DISC1: variants seen among roughly 807,000 people sequenced by gnomAD.
The protein encoded by DISC1 is disrupted in schizophrenia 1 protein.
In DISC1, 57 loss-of-function variants were observed where a neutral mutation model predicts 84.5. That is an observed-to-expected ratio of 0.67 (90% CI 0.55 to 0.84). The LOEUF (loss-of-function observed/expected upper bound fraction) is 0.84, where lower values mean the gene tolerates loss of function less well. DISC1 is among the 40% of genes least tolerant of loss of function. DISC1 has a pLI of 0.00. For missense variants in DISC1, 1,000 were observed against 1,057.8 expected, an observed-to-expected ratio of 0.95 and a Z score of 0.76; for synonymous variants, 411 against 415.2, an observed-to-expected ratio of 0.99 and a Z score of 0.12.
At chr1:231,775,606 A>G (rs2076903913) in intron 6 of DISC1, among the ~76,000 whole-genome samples, 1 of 152,200 alleles carries the variant, frequency 6.6e-6, no homozygotes, top group Non-Finnish European at 1.5e-5. Context: ...CTTCCAGTGA[A>G]CAAAAGGAGA....
Position 232,013,932 on chromosome 1 carries a change from T to C in DISC1, c.2307+4883T>C, listed in dbSNP as rs143384891. Reference sequence around the variant, plus strand: ...GCTTGCATCCAGGGAGAAAAAGGAGTGTGAGAGGGGAGGGCAAGAGAAGGC... The same window carrying C: ...GCTTGCATCCAGGGAGAAAAAGGAGCGTGAGAGGGGAGGGCAAGAGAAGGC... On this transcript the variant is annotated intron_variant, in intron 11 of 12. Coordinates refer to ENST00000439617, the MANE Select transcript of DISC1 (RefSeq NM_018662.3). Among the ~76,000 whole-genome samples the C allele has an allele frequency of 7.0e-3, 1,058 of 151,896 alleles. 10 individuals are homozygous for C. The highest frequency in any genetic ancestry group is 0.012 in the South Asian group (59 of 4,806).
At chr1:231,780,005 C>T (rs2077281004) in intron 6 of DISC1, among the ~76,000 whole-genome samples, 1 of 151,942 alleles carries the variant, frequency 6.6e-6, no homozygotes, top group Admixed American at 6.6e-5. Context: ...TAAAGCTCTC[C>T]ATATTCTCAC....
chr1:231,816,090 T>C (rs1253303357), intron 8 of DISC1, among the ~76,000 whole-genome samples: 2 of 152,252 alleles, frequency 1.3e-5, no homozygotes, highest in African/African-American at 4.8e-5. Context: ...GAGTTCCAGT[T>C]GCTCCATACC....
intron 10 of DISC1, among the ~76,000 whole-genome samples, chr1:231,960,487 C>T (rs944421000): frequency 6.6e-5 from 10 of 152,102 alleles, no homozygotes; most frequent in South Asian, 4.1e-4. Flanking sequence ...TCCTGACCTC[C>T]GGTGATCCAC....
chr1:231,858,325 A>G (rs1283546516), intron 9 of DISC1, among the ~76,000 whole-genome samples: 1 of 152,218 alleles, frequency 6.6e-6, no homozygotes, highest in South Asian at 2.1e-4. Flanking sequence ...CATGTTTTTC[A>G]GAGTTCTCCA....
intron 9 of DISC1, among the ~76,000 whole-genome samples, chr1:231,885,488 A>T (rs2086616412): frequency 6.6e-6 from 1 of 152,240 alleles, no homozygotes; most frequent in African/African-American, 2.4e-5. Context: ...ATGTGAATAC[A>T]TATATTCAAG....
chr1:231,900,456 C>T (rs1417842962), intron 9 of DISC1, among the ~76,000 whole-genome samples: 1 of 152,198 alleles, frequency 6.6e-6, no homozygotes, highest in African/African-American at 2.4e-5. Context: ...AAAAACCTTT[C>T]GTTTTTGTCC....
At chr1:231,848,242 G>A (rs2083605277) in intron 9 of DISC1, among the ~76,000 whole-genome samples, 1 of 152,090 alleles carries the variant, frequency 6.6e-6, no homozygotes, top group Non-Finnish European at 1.5e-5. Flanking sequence ...CAAGTTTGGG[G>A]CAGCATCAAA....
rs902127916 is a variant in DISC1, at chr1:231,795,753, G to T, written c.1689+457G>T. On this transcript the variant is annotated intron_variant, in intron 7 of 12. Transcript: ENST00000439617. ...AAAATACAAAAATTAGCTGGGTGTG[G>T]TGGAGGGTGCCTGTAATCCCAGCTA... Among the ~76,000 whole-genome samples the T allele has an allele frequency of 5.3e-5, 8 of 152,140 alleles. No individual in the cohort carries two copies. The East Asian group carries it at 1.3e-3, about 26-fold the overall frequency.
chr1:231,838,996 G>A (rs2082824797), intron 9 of DISC1, among the ~76,000 whole-genome samples: 1 of 146,240 alleles, frequency 6.8e-6, no homozygotes, highest in South Asian at 2.2e-4. Context: ...ACAGCAAATA[G>A]GGCACGATGT....
At chr1:231,956,461 C>T (rs759207063) in intron 9 of DISC1, among the ~76,000 whole-genome samples, 15 of 152,144 alleles carry the variant, frequency 9.9e-5, no homozygotes, top group Non-Finnish European at 1.9e-4. Context: ...GACGATTGCA[C>T]TAACCTCCTC....
intron 6 of DISC1, among the ~76,000 whole-genome samples, chr1:231,777,058 C>T (rs75407314): frequency 3.2e-4 from 48 of 152,268 alleles, no homozygotes; most frequent in Non-Finnish European, 6.6e-4. Context: ...ATCTCCACTT[C>T]TGGGCTTTGT....
chr1:231,772,858 G>A (rs1052616272), intron 6 of DISC1, among the ~76,000 whole-genome samples: 3 of 152,104 alleles, frequency 2.0e-5, no homozygotes, highest in Non-Finnish European at 2.9e-5. Context: ...CTTCTATCCC[G>A]AATATTTCCA....
intron 12 of DISC1, among the ~76,000 whole-genome samples, chr1:232,030,732 G>A (rs1277483240): frequency 6.6e-6 from 1 of 152,126 alleles, no homozygotes; most frequent in Non-Finnish European, 1.5e-5. Context: ...CTGCCTCCTT[G>A]GAGATGTTTT....
intron 9 of DISC1, among the ~76,000 whole-genome samples, chr1:231,873,172 G>A (rs1282016527): frequency 6.6e-6 from 1 of 152,202 alleles, no homozygotes; most frequent in Non-Finnish European, 1.5e-5. Flanking sequence ...CTGTAAAGTG[G>A]CCATGTTAAG....
At chr1:231,690,013 G>C (rs1448329632) in intron 1 of DISC1, among the ~76,000 whole-genome samples, 9 of 152,172 alleles carry the variant, frequency 5.9e-5, no homozygotes. Flanking sequence ...AGGGAGGGCT[G>C]ACAGGATTCT....
intron 1 of DISC1, among the ~76,000 whole-genome samples, chr1:231,674,264 A>G (rs1357118084): frequency 1.3e-5 from 2 of 151,624 alleles, no homozygotes; most frequent in African/African-American, 2.4e-5. Flanking sequence ...TTTTTTTCCA[A>G]TCCCTCTCTG....
intron 9 of DISC1, among the ~76,000 whole-genome samples, chr1:231,880,370 C>A (rs1260728581): frequency 6.6e-6 from 1 of 152,124 alleles, no homozygotes. Context: ...GCAATAAAAA[C>A]CAGACTAAGG....
At chr1:231,858,651 C>T (rs539787790) in intron 9 of DISC1, among the ~76,000 whole-genome samples, 5 of 152,172 alleles carry the variant, frequency 3.3e-5, no homozygotes, top group Non-Finnish European at 7.3e-5. Flanking sequence ...AATTTGGAGT[C>T]GATTCCTGTA....
Sources: gnomAD v4.1 joint callset for allele counts (sites outside exome capture counted in the v4.1 genomes callset) on GRCh38, gnomAD v4.1.1 for gene constraint, MANE v1.5 for transcripts, NCBI Gene and HGNC (gene_info 2026-07-23, HGNC 2026-07-21) for gene names.